Variants in CNTNAP3B observed in about 807,000 individuals in gnomAD.
CNTNAP3B encodes the protein contactin-associated protein-like 3B.
A neutral mutation model predicts 108.9 loss-of-function variants in CNTNAP3B; 25 were observed. That is an observed-to-expected ratio of 0.23 (90% CI 0.17 to 0.32). The LOEUF is 0.32. Among genes scored for constraint, CNTNAP3B ranks in the 10% least tolerant of loss-of-function variants. CNTNAP3B has a pLI of 1.00. For missense variants in CNTNAP3B, 252 were observed against 1,210.4 expected (o/e 0.21, Z 11.75); for synonymous variants, 103 against 473.4 (o/e 0.22, Z 10.16).
chr9:42,125,665 G>GT (rs200934708), intron 1 of CNTNAP3B, among the ~76,000 whole-genome samples: 51,665 of 118,772 alleles, frequency 0.43, 14,114 homozygotes, highest in East Asian at 0.69. Flanking sequence ...TACATTTTTT[G>GT]TTTTTTTTTT....
At chr9:42,119,998 T>G (rs976405835) in intron 1 of CNTNAP3B, among the ~76,000 whole-genome samples, 9 of 146,060 alleles carry the variant, frequency 6.2e-5, no homozygotes, top group African/African-American at 2.4e-4. Flanking sequence ...ACTAAAGAGC[T>G]TCTACAGAGC....
At chr9:42,016,540 A>T (rs1199472526) in intron 3 of CNTNAP3B, among the ~76,000 whole-genome samples, 1 of 146,956 alleles carries the variant, frequency 6.8e-6, no homozygotes, top group African/African-American at 2.6e-5. Context: ...AGAATGGCGA[A>T]CACAAATACC....
chr9:41,953,128 C>T lies in CNTNAP3B; in HGVS notation c.2080+55G>A, dbSNP rs1290642033. Reference sequence around the variant, plus strand: ...TCTCCCTCAAAGGCATCTCGCAGCCCGAGGGCCGCGCCCCGGCCTCGTGAG... The same window carrying T: ...TCTCCCTCAAAGGCATCTCGCAGCCTGAGGGCCGCGCCCCGGCCTCGTGAG... On this transcript the variant is annotated intron_variant, in intron 13 of 23. Coordinates refer to ENST00000377561, the MANE Select transcript of CNTNAP3B (RefSeq NM_001201380.3). 1.1e-5 allele frequency: 16 copies of T among 1,458,162 alleles called. No homozygotes were observed. In the East Asian group the frequency reaches 3.0e-4, roughly 28 times the overall value. 90.3% of individuals were successfully genotyped at this position (1,458,162 alleles called of 1,614,324 possible).
At chr9:42,101,820 A>G (rs1362925244) in intron 2 of CNTNAP3B, among the ~76,000 whole-genome samples, 2 of 125,548 alleles carry the variant, frequency 1.6e-5, no homozygotes, top group African/African-American at 3.3e-5. Context: ...CACCTTTGGG[A>G]GGCCGAGGTG....
At chr9:42,124,249 G>A (rs1174378061) in intron 1 of CNTNAP3B, among the ~76,000 whole-genome samples, 2 of 130,246 alleles carry the variant, frequency 1.5e-5, no homozygotes, top group East Asian at 4.8e-4. Flanking sequence ...TCATTTTTTA[G>A]CCCCCACTTT....
At chr9:42,079,776 T>C (rs1244612781) in intron 2 of CNTNAP3B, among the ~76,000 whole-genome samples, 1 of 138,614 alleles carries the variant, frequency 7.2e-6, no homozygotes, top group Non-Finnish European at 1.5e-5. Flanking sequence ...CACCTCAGCC[T>C]CCCAAAGTGC....
intron 2 of CNTNAP3B, among the ~76,000 whole-genome samples, chr9:42,098,440 G>T (rs1471403521): frequency 1.7e-5 from 2 of 115,982 alleles, no homozygotes; most frequent in Admixed American, 1.8e-4. Context: ...AAAATTAGCC[G>T]GGCATGGTGG....
At chr9:41,924,645 G>GCGCGCGCGCGCACACA (rs1474850625) in intron 15 of CNTNAP3B, among the ~76,000 whole-genome samples, 9 of 135,038 alleles carry the variant, frequency 6.7e-5, no homozygotes, top group Non-Finnish European at 1.3e-4. Flanking sequence ...TTTCCTTCCT[G>GCGCGCGCGCGCACACA]CACACACACA....
Position 42,113,047 on chromosome 9 carries a change from G to A in CNTNAP3B, c.86-8308C>T, listed in dbSNP as rs1269442535. On this transcript the variant is annotated intron_variant, in intron 1 of 23. Coordinates refer to ENST00000377561, the MANE Select transcript of CNTNAP3B (RefSeq NM_001201380.3). The stretch of plus-strand genomic sequence containing the variant: ...TGGGATTACAGGCGTGAGCCACCAT[G>A]CCCGGTCAAGTTTACATAAATTTAA... 3.7e-5 allele frequency among the ~76,000 whole-genome samples: 5 copies of A among 134,036 alleles called. 1 individual carries two copies. Among genetic ancestry groups the A allele is most frequent in the African/African-American group, 1.5e-4 (5 of 33,266 alleles). 87.9% of individuals were successfully genotyped at this position (134,036 alleles called of 152,430 possible).
intron 18 of CNTNAP3B, among the ~76,000 whole-genome samples, chr9:41,916,537 T>G (rs1197448715): frequency 1.3e-5 from 2 of 152,096 alleles, no homozygotes; most frequent in African/African-American, 2.4e-5. Flanking sequence ...TCTCTGCTTT[T>G]TGTAAGTAGG....
chr9:41,958,436 T>A (rs1824945030), intron 12 of CNTNAP3B, among the ~76,000 whole-genome samples: 1 of 152,068 alleles, frequency 6.6e-6, no homozygotes, highest in African/African-American at 2.4e-5. Flanking sequence ...CCAGCTGAAA[T>A]TTTTTCTTGA....
chr9:41,953,039 G>C (rs1421751058), intron 13 of CNTNAP3B, 144 bp downstream of exon 13: 1 of 1,100,408 alleles, frequency 9.1e-7, no homozygotes, highest in Non-Finnish European at 1.2e-6. Context: ...AACCAAGAGC[G>C]GGAAGAGAAG....
chr9:41,968,134 A>G (rs1376790792), intron 10 of CNTNAP3B, among the ~76,000 whole-genome samples: 1 of 152,110 alleles, frequency 6.6e-6, no homozygotes. Flanking sequence ...GAAAAGAGGC[A>G]GCCTCACAAT....
intron 10 of CNTNAP3B, among the ~76,000 whole-genome samples, chr9:41,966,262 T>A (rs1481701432): frequency 6.6e-6 from 1 of 152,408 alleles, no homozygotes; most frequent in African/African-American, 2.4e-5. Context: ...CCACAAATTT[T>A]AAAAAACATT....
At chr9:41,934,010 A>G (rs1332517885) in intron 14 of CNTNAP3B, among the ~76,000 whole-genome samples, 2 of 151,408 alleles carry the variant, frequency 1.3e-5, no homozygotes, top group Non-Finnish European at 1.5e-5. Flanking sequence ...ATATTAAAAT[A>G]TTCTTACCTG....
chr9:42,018,874 A>C (rs62554972), intron 3 of CNTNAP3B, among the ~76,000 whole-genome samples: 3 of 149,554 alleles, frequency 2.0e-5, no homozygotes, highest in Non-Finnish European at 3.0e-5. Flanking sequence ...GACTCACAAG[A>C]CTCTCACGTA....
chr9:42,024,989 C>T (rs1340354264), intron 3 of CNTNAP3B, among the ~76,000 whole-genome samples: 1 of 146,430 alleles, frequency 6.8e-6, no homozygotes, highest in Non-Finnish European at 1.5e-5. Flanking sequence ...TGTTGGCTCA[C>T]AATAAAGTCT....
chr9:42,033,190 C>T (rs372066962), intron 3 of CNTNAP3B, among the ~76,000 whole-genome samples: 1 of 139,362 alleles, frequency 7.2e-6, no homozygotes. Flanking sequence ...GAATCACTTT[C>T]CCATTAATAA....
At chr9:42,115,802 A>G (rs28850285) in intron 1 of CNTNAP3B, among the ~76,000 whole-genome samples, 101,305 of 115,098 alleles carry the variant, frequency 0.88, 46,750 homozygotes, top group Non-Finnish European at 0.93. Context: ...AAATCAGAGC[A>G]CCTCTTCTCC....
Sources: allele counts gnomAD v4.1 joint callset (sites outside exome capture counted in the v4.1 genomes callset), GRCh38; gene constraint gnomAD v4.1.1; transcripts MANE v1.5; gene names NCBI Gene and HGNC (gene_info 2026-07-23, HGNC 2026-07-21).